The following BABAM2 variants were observed in gnomAD, a reference collection of about 807,000 sequenced individuals.
BABAM2 encodes BRISC and BRCA1-A complex member 2.
BABAM2 carries 31 observed loss-of-function variants against 54.7 expected under a neutral mutation model. That is an observed-to-expected ratio of 0.57 (90% confidence interval 0.43 to 0.77). The LOEUF is 0.77. BABAM2 is among the 30% of genes least tolerant of loss of function. The probability of loss-of-function intolerance (pLI) is 0.00; values close to 1 mark genes in which losing one functional copy is unlikely to be tolerated. For synonymous variants in BABAM2, 167 were observed against 162.9 expected, an observed-to-expected ratio of 1.03 and a Z score of -0.19; for missense variants, 364 against 455.8, an observed-to-expected ratio of 0.80 and a Z score of 1.83.
chr2:28,020,316 G>C (rs979372508), intron 4 of BABAM2, among the ~76,000 whole-genome samples: 2 of 152,156 alleles, frequency 1.3e-5, no homozygotes, highest in African/African-American at 4.8e-5. Flanking sequence ...TAAAAGATGT[G>C]AAGTATGCTA....
rs1234522803 is a variant in BABAM2 at position 28,007,761 on chromosome 2, T to C, written c.301-17465T>C. Reference sequence around the variant, plus strand: ...TGTGATAGCCTTTGGAAAGAAATTATGTCTTAGAATGCTTTTAAGATACTG... The same window carrying C: ...TGTGATAGCCTTTGGAAAGAAATTACGTCTTAGAATGCTTTTAAGATACTG... On this transcript the variant is annotated intron_variant, in intron 4 of 11. Coordinates refer to ENST00000379624, the MANE Select transcript of BABAM2 (RefSeq NM_199191.3). Among the ~76,000 whole-genome samples, 4 of 152,178 alleles carry C rather than the reference T, an allele frequency of 2.6e-5. No individual in the cohort carries two copies. The East Asian group carries it at 7.7e-4, about 29-fold the overall frequency.
chr2:27,933,224 A>G (rs1051593458), intron 3 of BABAM2, among the ~76,000 whole-genome samples: 8 of 152,156 alleles, frequency 5.3e-5, no homozygotes, highest in African/African-American at 1.7e-4. Flanking sequence ...TAACATAATT[A>G]TATTCTAGCA....
chr2:28,050,580 A>C (rs754833603), intron 6 of BABAM2, among the ~76,000 whole-genome samples: 2 of 152,216 alleles, frequency 1.3e-5, no homozygotes, highest in African/African-American at 2.4e-5. Flanking sequence ...ATAAAATGAT[A>C]CTGGGATTAG....
At chr2:27,998,159 A>G (rs1673308115) in intron 4 of BABAM2, among the ~76,000 whole-genome samples, 1 of 152,060 alleles carries the variant, frequency 6.6e-6, no homozygotes, top group Non-Finnish European at 1.5e-5. Flanking sequence ...TCTCAAGAAA[A>G]AAAAATGCTT....
intron 3 of BABAM2, among the ~76,000 whole-genome samples, chr2:27,951,947 C>T (rs1669760562): frequency 1.3e-5 from 2 of 152,166 alleles, no homozygotes; most frequent in Admixed American, 1.3e-4. Context: ...GCTTCTGCAT[C>T]ATTCTTCTAT....
intron 11 of BABAM2, among the ~76,000 whole-genome samples, chr2:28,331,759 C>A (rs1433106140): frequency 6.6e-6 from 1 of 152,180 alleles, no homozygotes; most frequent in Non-Finnish European, 1.5e-5. Context: ...GACAGTATGG[C>A]AATTCCTCAA....
chr2:28,092,553 G>T (rs1053968062), intron 6 of BABAM2, among the ~76,000 whole-genome samples: 2 of 152,090 alleles, frequency 1.3e-5, no homozygotes, highest in African/African-American at 4.8e-5. Flanking sequence ...GTAAAATATT[G>T]CTGAGAGAGA....
chr2:28,181,416 C>G (rs957085793), intron 7 of BABAM2, among the ~76,000 whole-genome samples: 3 of 152,042 alleles, frequency 2.0e-5, no homozygotes, highest in Non-Finnish European at 4.4e-5. Flanking sequence ...TGGGAGCTAA[C>G]AAAGTTAATC....
At chr2:28,067,373 A>G (rs981170723) in intron 6 of BABAM2, among the ~76,000 whole-genome samples, 1 of 152,210 alleles carries the variant, frequency 6.6e-6, no homozygotes, top group Admixed American at 6.5e-5. Flanking sequence ...ACTTACATCA[A>G]TTTTATACCA....
chr2:28,000,739 T>C (rs1191379768), intron 4 of BABAM2, among the ~76,000 whole-genome samples: 2 of 152,342 alleles, frequency 1.3e-5, no homozygotes, highest in South Asian at 2.1e-4. Context: ...TATGGACTTA[T>C]AGATATTTAT....
chr2:27,994,736 G>T (rs1408009815), intron 4 of BABAM2, among the ~76,000 whole-genome samples: 1 of 152,160 alleles, frequency 6.6e-6, no homozygotes, highest in African/African-American at 2.4e-5. Flanking sequence ...TTTTTTTGCT[G>T]TTGTGAATAT....
At chr2:28,112,188 TCC>T (rs1255615239) in intron 6 of BABAM2, among the ~76,000 whole-genome samples, 1 of 69,698 alleles carries the variant, frequency 1.4e-5, no homozygotes, top group Non-Finnish European at 2.7e-5. Flanking sequence ...CCTCCCTCCC[TCC>T]CTCCCTCCCT....
intron 3 of BABAM2, among the ~76,000 whole-genome samples, chr2:27,937,919 T>C (rs1668604455): frequency 6.6e-6 from 1 of 152,246 alleles, no homozygotes. Context: ...TGTTTTCTTC[T>C]AGTAGTTTCA....
intron 4 of BABAM2, among the ~76,000 whole-genome samples, chr2:27,998,012 G>A (rs1177078192): frequency 3.9e-5 from 6 of 152,116 alleles, no homozygotes; most frequent in African/African-American, 1.2e-4. Context: ...AATTAGCTGG[G>A]CATGGTGGCG....
chr2:28,085,722 G>A (rs1255213709), intron 6 of BABAM2, among the ~76,000 whole-genome samples: 1 of 152,048 alleles, frequency 6.6e-6, no homozygotes, highest in Admixed American at 6.5e-5. Flanking sequence ...AAACTTTAGT[G>A]TTTCTAGGGT....
intron 7 of BABAM2, among the ~76,000 whole-genome samples, chr2:28,198,014 C>T (rs1365027597): frequency 6.6e-6 from 1 of 152,094 alleles, no homozygotes; most frequent in Admixed American, 6.5e-5. Flanking sequence ...GAAATTGAGA[C>T]CCCCAAATTG....
chr2:28,026,944 ATATT>A lies in BABAM2; in HGVS notation c.495+1525_495+1528del, dbSNP rs1258064065. Among the ~76,000 whole-genome samples, 5 of 4,876 alleles carry A rather than the reference ATATT, an allele frequency of 1.0e-3. 1 individual carries two copies. The highest frequency in any genetic ancestry group is 9.6e-4 in the African/African-American group (4 of 4,172). 3.2% of individuals were successfully genotyped at this position (4,876 alleles called of 152,430 possible). On this transcript the variant is annotated intron_variant, in intron 5 of 11. Coordinates refer to ENST00000379624, the MANE Select transcript of BABAM2 (RefSeq NM_199191.3). ...TATATATAAATATATATATAAATAT[ATATT>A]AATATATATAAATATATATATAAAT...
intron 11 of BABAM2, among the ~76,000 whole-genome samples, chr2:28,303,051 C>T (rs1029683561): frequency 6.6e-6 from 1 of 151,882 alleles, no homozygotes; most frequent in Non-Finnish European, 1.5e-5. Context: ...GACAATATTT[C>T]GCTATGTTGC....
intron 6 of BABAM2, among the ~76,000 whole-genome samples, chr2:28,118,206 A>G (rs1054436838): frequency 6.6e-6 from 1 of 152,158 alleles, no homozygotes; most frequent in Non-Finnish European, 1.5e-5. Flanking sequence ...TTTATAGTAG[A>G]ATGATTTATA....
Sources: allele counts gnomAD v4.1 joint callset (sites outside exome capture counted in the v4.1 genomes callset), GRCh38; gene constraint gnomAD v4.1.1; transcripts MANE v1.5; gene names NCBI Gene and HGNC (gene_info 2026-07-23, HGNC 2026-07-21).